Variants in GPR158 observed in about 807,000 individuals in gnomAD.
GPR158 encodes the protein G protein-coupled receptor 158, also known as metabotropic glycine receptor.
A neutral mutation model predicts 78.2 loss-of-function variants in GPR158; 30 were observed. The ratio of observed to expected loss-of-function variants is 0.38; its 90% CI spans 0.29 to 0.52. The LOEUF is 0.52. Ranked by LOEUF, GPR158 falls within the 20% of genes least tolerant of loss-of-function variation. The pLI is 0.83. For synonymous variants in GPR158, 581 were observed against 591.1 expected (o/e 0.98, Z 0.25); for missense variants, 1,463 against 1,523.5 (o/e 0.96, Z 0.66).
chr10:25,387,086 A>G (rs1834231397), intron 2 of GPR158, among the ~76,000 whole-genome samples: 1 of 152,118 alleles, frequency 6.6e-6, no homozygotes, highest in South Asian at 2.1e-4. Flanking sequence ...GTTTTTTACC[A>G]TTGAGTATGA....
intron 1 of GPR158, among the ~76,000 whole-genome samples, chr10:25,195,119 C>T (rs183251787): frequency 7.0e-4 from 107 of 151,980 alleles, no homozygotes; most frequent in African/African-American, 2.6e-3. Flanking sequence ...TTTTTCCCCA[C>T]CCATTGGAGT....
At chr10:25,300,898 T>C (rs1034207832) in intron 2 of GPR158, among the ~76,000 whole-genome samples, 1 of 152,064 alleles carries the variant, frequency 6.6e-6, no homozygotes, top group South Asian at 2.1e-4. Context: ...TTGAATTCAT[T>C]TGGCTTTGTC....
intron 8 of GPR158, among the ~76,000 whole-genome samples, chr10:25,592,197 A>G (rs1363598772): frequency 6.6e-6 from 1 of 151,976 alleles, no homozygotes; most frequent in African/African-American, 2.4e-5. Context: ...GTATATATAC[A>G]TATATAAATT....
chr10:25,218,274 G>A (rs1853247719), intron 1 of GPR158, among the ~76,000 whole-genome samples: 3 of 152,156 alleles, frequency 2.0e-5, no homozygotes, highest in East Asian at 1.9e-4. Context: ...TATATTCCAC[G>A]GTTTTGCACA....
Position 25,208,110 on chromosome 10 carries a change from G to A in GPR158, c.903-12942G>A, listed in dbSNP as rs750413504. Among the ~76,000 whole-genome samples the A allele has an allele frequency of 2.3e-4, 35 of 152,206 alleles. 1 individual carries two copies. The highest frequency in any genetic ancestry group is 8.8e-5 in the Non-Finnish European group (6 of 68,032). On this transcript the variant is annotated intron_variant, in intron 1 of 10. Transcript: ENST00000376351. ...CACATGGTATATTCAATTGTGCAGA[G>A]CAGGGTTTATAGAATGTGTTTGCTT...
At chr10:25,573,178 TC>T (rs561295032) in intron 7 of GPR158, among the ~76,000 whole-genome samples, 174 of 152,368 alleles carry the variant, frequency 1.1e-3, no homozygotes, top group African/African-American at 4.0e-3. Context: ...CTTACTTTTC[TC>T]ATTCTTATCA....
intron 5 of GPR158, among the ~76,000 whole-genome samples, chr10:25,544,815 C>T (rs1294068953): frequency 6.6e-6 from 1 of 152,164 alleles, no homozygotes; most frequent in Non-Finnish European, 1.5e-5. Context: ...CCCATCAACT[C>T]ATCATCTACA....
intron 4 of GPR158, among the ~76,000 whole-genome samples, chr10:25,461,177 T>C (rs909606254): frequency 6.6e-6 from 1 of 152,140 alleles, no homozygotes; most frequent in African/African-American, 2.4e-5. Flanking sequence ...GAGTCACATA[T>C]CACTCACTTT....
At chr10:25,520,908 C>CGGCTT (rs1333179262) in intron 5 of GPR158, among the ~76,000 whole-genome samples, 1 of 152,172 alleles carries the variant, frequency 6.6e-6, no homozygotes, top group Admixed American at 6.5e-5. Flanking sequence ...TGGAGCTTCC[C>CGGCTT]GGCTTCTTTG....
chr10:25,230,095 C>T (rs1321277283), intron 2 of GPR158, among the ~76,000 whole-genome samples: 1 of 151,886 alleles, frequency 6.6e-6, no homozygotes, highest in Non-Finnish European at 1.5e-5. Context: ...TTAAGAATAA[C>T]AAATTCATTC....
At chr10:25,325,468 T>TACACACACACAC (rs3054025) in intron 2 of GPR158, among the ~76,000 whole-genome samples, 40 of 150,202 alleles carry the variant, frequency 2.7e-4, no homozygotes, top group African/African-American at 9.8e-4. Context: ...TATATATAAT[T>TACACACACACAC]ACACACACAC....
Position 25,598,444 on chromosome 10 carries a change from G to C in GPR158, c.2818G>C (p.Glu940Gln). ...CCAGAAACCTTTGCCAAAAGATAAA[G>C]AGACAAACAGAAATCACTCAAATTC... The part of the protein sequence containing the change: ...KSQKPLPKDK[E>Q]TNRNHSNSDN... The change falls in exon 11 of 11, where the codon GAG becomes CAG. Residue 940 changes from glutamate (E) to glutamine (Q), a missense_variant. Coordinates refer to ENST00000376351, the MANE Select transcript of GPR158 (RefSeq NM_020752.3). 1 of 1,614,068 alleles carries C rather than the reference G, an allele frequency of 6.2e-7. No homozygotes were observed. Among genetic ancestry groups the C allele is most frequent in the Non-Finnish European group, 8.5e-7 (1 of 1,180,008 alleles).
chr10:25,443,290 C>T (rs2130591235), intron 4 of GPR158, among the ~76,000 whole-genome samples: 1 of 152,238 alleles, frequency 6.6e-6, no homozygotes, highest in African/African-American at 2.4e-5. Flanking sequence ...TGTAGTGGCT[C>T]ATGTCTGTAA....
At chr10:25,288,945 C>G (rs1339799181) in intron 2 of GPR158, among the ~76,000 whole-genome samples, 2 of 152,226 alleles carry the variant, frequency 1.3e-5, no homozygotes, top group Non-Finnish European at 2.9e-5. Context: ...TAAGGGCAGA[C>G]TTTCCATCGG....
At chr10:25,513,689 T>C (rs1341235897) in intron 5 of GPR158, among the ~76,000 whole-genome samples, 1 of 152,172 alleles carries the variant, frequency 6.6e-6, no homozygotes, top group Non-Finnish European at 1.5e-5. Context: ...TTGCTTTTGC[T>C]GTATCCCAGA....
At chr10:25,307,075 A>G (rs1209669307) in intron 2 of GPR158, among the ~76,000 whole-genome samples, 1 of 151,908 alleles carries the variant, frequency 6.6e-6, no homozygotes, top group Non-Finnish European at 1.5e-5. Flanking sequence ...ATAAGTAAGA[A>G]CAATTTAAAT....
At position 25,383,717 on chromosome 10, in the gene GPR158, G is replaced by T. The variant is rs187846577; in HGVS notation, c.1009-12194G>T. Reference sequence around the variant, plus strand: ...TTGAAGCTTAATGATCCAGCAAACTGGTCCATCTGGAATACTGCCTGAAAC... The same window carrying T: ...TTGAAGCTTAATGATCCAGCAAACTTGTCCATCTGGAATACTGCCTGAAAC... On this transcript the variant is annotated intron_variant, in intron 2 of 10. Coordinates refer to ENST00000376351, the MANE Select transcript of GPR158 (RefSeq NM_020752.3). 6.1e-4 allele frequency among the ~76,000 whole-genome samples: 93 copies of T among 152,118 alleles called. 1 individual carries two copies. The highest frequency in any genetic ancestry group is 1.7e-3 in the Admixed American group (26 of 15,294).
At chr10:25,533,589 G>T (rs1019221312) in intron 5 of GPR158, among the ~76,000 whole-genome samples, 7 of 152,032 alleles carry the variant, frequency 4.6e-5, no homozygotes, top group Non-Finnish European at 7.4e-5. Context: ...TTTACCATTT[G>T]TTAACTTCAT....
intron 3 of GPR158, among the ~76,000 whole-genome samples, chr10:25,408,112 G>C (rs1301815473): frequency 6.6e-6 from 1 of 152,168 alleles, no homozygotes; most frequent in East Asian, 1.9e-4. Context: ...AATGTATACT[G>C]TTTAGGTTAA....
Sources: gnomAD v4.1 joint callset for allele counts (sites outside exome capture counted in the v4.1 genomes callset) on GRCh38, gnomAD v4.1.1 for gene constraint, MANE v1.5 for transcripts, NCBI Gene and HGNC (gene_info 2026-07-23, HGNC 2026-07-21) for gene names.